Variants in MUL1 observed in about 807,000 individuals in gnomAD.
MUL1 encodes the protein mitochondrial ubiquitin ligase activator of NFKB 1.
Under a neutral mutation model 34.1 loss-of-function variants are expected in MUL1, and 30 were observed. The ratio of observed to expected loss-of-function variants is 0.88; its 90% CI spans 0.66 to 1.19. The LOEUF is 1.19. Ranked by LOEUF, MUL1 falls within the 50% of genes most tolerant of loss-of-function variation. MUL1 has a pLI of 0.00. For synonymous variants in MUL1, 191 were observed against 187.8 expected (o/e 1.02, Z -0.14); for missense variants, 419 against 450.5 (o/e 0.93, Z 0.63).
At position 20,500,767 on chromosome 1, in the gene MUL1, G is replaced by A. The variant is rs141893250; in HGVS notation, c.982C>T (p.Arg328Cys). 88 of 1,613,718 alleles carry A rather than the reference G, an allele frequency of 5.5e-5. No homozygotes were observed. Among genetic ancestry groups the A allele is most frequent in the Middle Eastern group, 1.6e-4 (1 of 6,084 alleles). Residue 328 changes from arginine to cysteine, a missense_variant, in exon 4 of 4, where the codon CGC becomes TGC. By Grantham distance (180) the Arg-to-Cys change is radical (BLOSUM62 -3). Transcript: ENST00000264198. ...GHVCSCTECY[R>C]ALPEPKKCPI... is the part of the protein sequence containing the mutation. ...CACTTCTTGGGCTCTGGCAAGGCGC[G>A]GTAGCACTCGGTGCAGGAACAAACG...
rs549595790 is a variant in MUL1 at position 20,502,544 on chromosome 1, C to G, written c.209-355G>C. ...AGCTACCTGGGTGACAGAGCCAAGA[C>G]TCTATTTGAGACGGAGTCTCACTCT... On this transcript the variant is annotated intron_variant, in intron 2 of 3. Coordinates refer to ENST00000264198, the MANE Select transcript of MUL1 (RefSeq NM_024544.3). Among the ~76,000 whole-genome samples the G allele has an allele frequency of 2.0e-5, 3 of 152,264 alleles. No individual in the cohort carries two copies. The East Asian group carries it at 5.8e-4, about 30-fold the overall frequency.
At position 20,502,165 on chromosome 1, in the gene MUL1, G is replaced by C; in HGVS notation, c.233C>G (p.Thr78Arg). Residue 78 changes from threonine to arginine, a missense_variant, in exon 3 of 4, where the codon ACG becomes AGG. By Grantham distance (71) the Thr-to-Arg change is moderately conservative (BLOSUM62 -1). Coordinates refer to ENST00000264198, the MANE Select transcript of MUL1 (RefSeq NM_024544.3). ...GTTTTCCACAAACTGGCTGTTAAGC[G>C]TTTCTTTAACAGACCGCACAGCTCC... Reference protein sequence around the residue: ...IEGAVRSVKETLNSQFVENCK... With the variant: ...IEGAVRSVKERLNSQFVENCK... 1 of 1,614,102 alleles carries C rather than the reference G, an allele frequency of 6.2e-7. No homozygotes were observed. Among genetic ancestry groups the C allele is most frequent in the Non-Finnish European group, 8.5e-7 (1 of 1,180,024 alleles).
At chr1:20,506,311 G>A (rs2051713372) in intron 1 of MUL1, among the ~76,000 whole-genome samples, 1 of 152,178 alleles carries the variant, frequency 6.6e-6, no homozygotes, top group Non-Finnish European at 1.5e-5. Flanking sequence ...CACTTGCCAA[G>A]TACTGTGTTA....
chr1:20,502,800 C>T (rs2051676702), intron 2 of MUL1, among the ~76,000 whole-genome samples: 1 of 152,024 alleles, frequency 6.6e-6, no homozygotes, highest in Admixed American at 6.5e-5. Context: ...TCCCAAAGTG[C>T]TGGGATTACA....
Position 20,503,236 on chromosome 1 carries a change from T to G in MUL1, c.194A>C (p.Tyr65Ser). The G allele has an allele frequency of 1.2e-6, 2 of 1,607,262 alleles. No homozygotes were observed. The highest frequency in any genetic ancestry group is 1.7e-6 in the Non-Finnish European group (2 of 1,176,862). ...LSEAPGKCVP[Y>S]AVIEGAVRSV... ...AGCAAACATACCTTCTATAACAGCA[T>G]AAGGCACGCATTTTCCTGGAGCTTC... The change falls in exon 2 of 4, where the codon TAT becomes TCT. Residue 65 changes from tyrosine (Y) to serine (S), a missense_variant. By Grantham distance (144) the Tyr-to-Ser change is moderately radical (BLOSUM62 -2). Transcript: ENST00000264198.
In MUL1 at chr1:20,500,757, G is replaced by C. The variant is rs2051648139; in HGVS notation, c.992C>G (p.Pro331Arg). ...GCAGATAGGGCACTTCTTGGGCTCT[G>C]GCAAGGCGCGGTAGCACTCGGTGCA... is the stretch of plus-strand genomic sequence containing the variant. The part of the protein sequence containing the change: ...CSCTECYRAL[P>R]EPKKCPICRQ... Residue 331 changes from proline to arginine, a missense_variant, in exon 4 of 4, where the codon CCA becomes CGA. Physicochemically the swap from Pro to Arg is moderately radical, Grantham distance 103. Coordinates refer to ENST00000264198, the MANE Select transcript of MUL1 (RefSeq NM_024544.3). 6.2e-7 allele frequency: 1 copy of C among 1,613,014 alleles called. No homozygotes were observed. Among genetic ancestry groups the C allele is most frequent in the Non-Finnish European group, 8.5e-7 (1 of 1,179,510 alleles).
In MUL1 at chr1:20,500,414, C is replaced by A; in HGVS notation, c.*276G>T. ...AAGTGATGAGGCATTTTCAGTCACA[C>A]TCGCACTGATCTGGCTCCTGGGAGG... On this transcript the variant is annotated 3_prime_UTR_variant, in exon 4 of 4. Coordinates refer to ENST00000264198, the MANE Select transcript of MUL1 (RefSeq NM_024544.3). 1 of 369,168 alleles carries A rather than the reference C, an allele frequency of 2.7e-6. No individual in the cohort carries two copies. The highest frequency in any genetic ancestry group is 4.2e-5 in the Admixed American group (1 of 23,652). The allele number at this position is 369,168 out of a possible 1,614,324, so 22.9% of individuals were successfully genotyped here. A position where few individuals can be genotyped will look rare whatever the true frequency, so the allele number is the denominator to read the frequency against.
At chr1:20,506,288 A>T (rs1236346174) in intron 1 of MUL1, among the ~76,000 whole-genome samples, 2 of 152,216 alleles carry the variant, frequency 1.3e-5, no homozygotes, top group East Asian at 3.8e-4. Flanking sequence ...ACAAACATTT[A>T]CTGAGCATCT....
intron 1 of MUL1, among the ~76,000 whole-genome samples, chr1:20,507,276 G>GA (rs1444575108): frequency 1.3e-5 from 2 of 152,244 alleles, no homozygotes; most frequent in Non-Finnish European, 2.9e-5. Context: ...GCACAGTTCA[G>GA]AAAAAAGCGC....
intron 1 of MUL1, 72 bp downstream of exon 1, chr1:20,507,833 G>A: frequency 6.5e-7 from 1 of 1,534,552 alleles, no homozygotes; most frequent in African/African-American, 1.4e-5. Context: ...GGGCGGCCAA[G>A]GTGAATCATG....
Position 20,500,813 on chromosome 1 carries a change from G to T in MUL1, c.936C>A (p.Cys312Ter). 1 of 1,614,138 alleles carries T rather than the reference G, an allele frequency of 6.2e-7. No homozygotes were observed. The highest frequency in any genetic ancestry group is 8.5e-7 in the Non-Finnish European group (1 of 1,180,036). Residue 312 changes from cysteine (C) to a stop codon, truncating the protein, a stop_gained, in exon 4 of 4, where the codon TGC becomes TGA. Transcript: ENST00000264198. LOFTEE classifies it high-confidence loss of function. Reference protein sequence around the residue: ...CVVCLSSFKSCVFLECGHVCS... With the variant: ...CVVCLSSFKS ...AAACGTGCCCACACTCCAGAAAGAC[G>T]CAGGACTTGAAGCTGCTCAGACACA... is the stretch of plus-strand genomic sequence containing the variant.
At chr1:20,502,932 A>C (rs1190271835) in intron 2 of MUL1, among the ~76,000 whole-genome samples, 1 of 152,182 alleles carries the variant, frequency 6.6e-6, no homozygotes, top group Non-Finnish European at 1.5e-5. Flanking sequence ...TCTGATCACC[A>C]TAAGTCACAT....
Position 20,507,972 on chromosome 1 carries a change from G to A in MUL1, c.53C>T (p.Thr18Ile), listed in dbSNP as rs1394529553. ...GTACAGGGCGGCGGTGACCACAGAGGTGGTGCCCAGGAGGATGAACTGGCA... is the reference window on the plus strand; with the variant it reads ...GTACAGGGCGGCGGTGACCACAGAGATGGTGCCCAGGAGGATGAACTGGCA... Reference protein sequence around the residue: ...SLCQFILLGTTSVVTAALYSV... With the variant: ...SLCQFILLGTISVVTAALYSV... Residue 18 changes from threonine to isoleucine, a missense_variant, in exon 1 of 4, where the codon ACC (threonine) becomes ATC (isoleucine). Coordinates refer to ENST00000264198, the MANE Select transcript of MUL1 (RefSeq NM_024544.3). The A allele has an allele frequency of 4.4e-6, 7 of 1,593,704 alleles. No individual in the cohort carries two copies. The highest frequency in any genetic ancestry group is 1.3e-5 in the African/African-American group (1 of 74,956).
Position 20,500,453 on chromosome 1 carries a change from T to C in MUL1, c.*237A>G, listed in dbSNP as rs527841941. On this transcript the variant is annotated 3_prime_UTR_variant, in exon 4 of 4. Transcript: ENST00000264198. ...GCTCCTGGGAGGAGACGCCACGGCA[T>C]CCTCCCAGGGTGAGGCTCTGATGAG... 30 of 468,124 alleles carry C rather than the reference T, an allele frequency of 6.4e-5. No individual in the cohort carries two copies. The highest frequency in any genetic ancestry group is 7.5e-6 in the Non-Finnish European group (2 of 268,380). The allele number at this position is 468,124 out of a possible 1,614,324, so 29.0% of individuals were successfully genotyped here. A position where few individuals can be genotyped will look rare whatever the true frequency, so the allele number is the denominator to read the frequency against.
chr1:20,502,546 C>T (rs1198591430), intron 2 of MUL1, among the ~76,000 whole-genome samples: 2 of 152,110 alleles, frequency 1.3e-5, no homozygotes, highest in Non-Finnish European at 2.9e-5. Flanking sequence ...AGCCAAGACT[C>T]TATTTGAGAC....
Position 20,501,313 on chromosome 1 carries a change from C to A in MUL1, c.436G>T (p.Asp146Tyr). The A allele has an allele frequency of 6.2e-7, 1 of 1,614,158 alleles. No individual in the cohort carries two copies. The highest frequency in any genetic ancestry group is 1.1e-5 in the South Asian group (1 of 91,076). Residue 146 changes from aspartate (D) to tyrosine (Y), a missense_variant, in exon 4 of 4, where the codon GAC becomes TAC. By Grantham distance (160) the Asp-to-Tyr change is radical. Coordinates refer to ENST00000264198, the MANE Select transcript of MUL1 (RefSeq NM_024544.3). This position sits in a 1 kb window ranked among gnomAD's most constrained non-coding sequence, Gnocchi z 4.2. Reference protein sequence around the residue: ...DVAVRVLKPLDSVDLGLETVY... With the variant: ...DVAVRVLKPLYSVDLGLETVY... ...GTCTCTAGACCCAGATCCACTGAGT[C>A]CAGGGGCTTCAGCACTCGCACAGCC...
intron 1 of MUL1, among the ~76,000 whole-genome samples, chr1:20,507,665 T>C (rs1422594144): frequency 6.6e-6 from 1 of 152,236 alleles, no homozygotes; most frequent in Admixed American, 6.5e-5. Flanking sequence ...AGTAAAGTAA[T>C]GAAGTCAAGA....
rs772831725 is a variant in MUL1 at position 20,501,072 on chromosome 1, A to C, written c.677T>G (p.Phe226Cys). 4 of 1,614,046 alleles carry C rather than the reference A, an allele frequency of 2.5e-6. No individual in the cohort carries two copies. The highest frequency in any genetic ancestry group is 3.4e-6 in the Non-Finnish European group (4 of 1,180,048). Residue 226 changes from phenylalanine to cysteine, a missense_variant, in exon 4 of 4, where the codon TTC (phenylalanine) becomes TGC (cysteine). Phe to Cys is a radical substitution (Grantham distance 205, BLOSUM62 -2). Coordinates refer to ENST00000264198, the MANE Select transcript of MUL1 (RefSeq NM_024544.3). The surrounding 1 kb of genome is among the most constrained non-coding windows in gnomAD (Gnocchi z 4.2). ...CTCCTGCCTCTGCAGCAGGCTGTCG[A>C]AGTCCTGGCTGCTTAGATAGTACTG... is the stretch of plus-strand genomic sequence containing the variant. ...GMQYYLSSQDFDSLLQRQESS... is the reference protein window; with the variant it reads ...GMQYYLSSQDCDSLLQRQESS...
chr1:20,501,403 T>C lies in MUL1; in HGVS notation c.346A>G (p.Ile116Val), dbSNP rs376828034. Residue 116 changes from isoleucine (I) to valine (V), a missense_variant, in exon 4 of 4, where the codon ATC becomes GTC. By Grantham distance (29) the Ile-to-Val change is conservative. Coordinates refer to ENST00000264198, the MANE Select transcript of MUL1 (RefSeq NM_024544.3). This position sits in a 1 kb window ranked among gnomAD's most constrained non-coding sequence, Gnocchi z 4.2. ...ACTGTGTTGGTCCTCTGATGAATGA[T>C]CTTTGAGCAATCATTCCTAGAAGAA... ...TTHLWNDCSKIIHQRTNTVPF... is the reference protein window; with the variant it reads ...TTHLWNDCSKVIHQRTNTVPF... 2.3e-5 allele frequency: 37 copies of C among 1,612,284 alleles called. No homozygotes were observed. Among genetic ancestry groups the C allele is most frequent in the Non-Finnish European group, 3.1e-5 (37 of 1,178,798 alleles).
Sources: allele counts gnomAD v4.1 joint callset (sites outside exome capture counted in the v4.1 genomes callset), GRCh38; gene constraint gnomAD v4.1.1; non-coding constraint Gnocchi (gnomAD v3.1); transcripts MANE v1.5; gene names NCBI Gene and HGNC (gene_info 2026-07-23, HGNC 2026-07-21).